The following TMEM163 variants were observed in gnomAD, a reference collection of about 807,000 sequenced individuals.
TMEM163 encodes the protein transmembrane protein 163.
TMEM163 carries 17 observed loss-of-function variants against 29.3 expected under a neutral mutation model. The ratio of observed to expected loss-of-function variants is 0.58; its 90% CI spans 0.40 to 0.87. TMEM163 has a LOEUF of 0.87. Among genes scored for constraint, TMEM163 ranks in the 40% least tolerant of loss-of-function variants. The pLI, the probability that TMEM163 is intolerant of heterozygous loss-of-function variation, is 0.00. For missense variants in TMEM163, 303 were observed against 381.5 expected (o/e 0.79, Z 1.71); for synonymous variants, 157 against 160.6 (o/e 0.98, Z 0.17).
rs368162173 is a variant in TMEM163, at chr2:134,650,508, TTTTG to T, written c.322+62688_322+62691del. ...TATTTGGATGCCTTCTATTTCTTTT[TTTTG>T]TTTGTTTGTTTGTTTGTTTGTTTTG... is the stretch of plus-strand genomic sequence containing the variant. On this transcript the variant is annotated intron_variant, in intron 2 of 7. Coordinates refer to ENST00000281924, the MANE Select transcript of TMEM163 (RefSeq NM_030923.5). Among the ~76,000 whole-genome samples the T allele has an allele frequency of 7.3e-3, 991 of 135,426 alleles. 23 individuals are homozygous for T. Among genetic ancestry groups the T allele is most frequent in the African/African-American group, 0.021 (704 of 32,952 alleles). The allele number at this position is 135,426 out of a possible 152,430, so 88.8% of individuals were successfully genotyped here. A position where few individuals can be genotyped will look rare whatever the true frequency, so the allele number is the denominator to read the frequency against.
chr2:134,505,696 G>C (rs1404363409), intron 4 of TMEM163, among the ~76,000 whole-genome samples: 1 of 152,138 alleles, frequency 6.6e-6, no homozygotes, highest in African/African-American at 2.4e-5. Context: ...TTTCTGACAG[G>C]GAACAGTGGT....
At chr2:134,508,445 G>A (rs2106489671) in intron 4 of TMEM163, among the ~76,000 whole-genome samples, 1 of 152,310 alleles carries the variant, frequency 6.6e-6, no homozygotes, top group Non-Finnish European at 1.5e-5. Flanking sequence ...CGGTACTTAT[G>A]ACTGCACAAT....
At chr2:134,479,213 A>T (rs1201734839) in intron 5 of TMEM163, among the ~76,000 whole-genome samples, 1 of 152,186 alleles carries the variant, frequency 6.6e-6, no homozygotes, top group Non-Finnish European at 1.5e-5. Flanking sequence ...ATGAACTAAG[A>T]CAGTCCTGCA....
At chr2:134,577,670 C>T (rs1681589747) in intron 2 of TMEM163, among the ~76,000 whole-genome samples, 1 of 152,126 alleles carries the variant, frequency 6.6e-6, no homozygotes, top group African/African-American at 2.4e-5. Flanking sequence ...ACTTCAGACA[C>T]ACCTATCTCA....
intron 5 of TMEM163, among the ~76,000 whole-genome samples, chr2:134,478,217 A>C (rs1413241572): frequency 6.6e-6 from 1 of 152,016 alleles, no homozygotes; most frequent in African/African-American, 2.4e-5. Flanking sequence ...GAGTCAGTTA[A>C]ACCTGTTTTC....
At chr2:134,511,808 T>A (rs1448956823) in intron 4 of TMEM163, among the ~76,000 whole-genome samples, 1 of 152,260 alleles carries the variant, frequency 6.6e-6, no homozygotes, top group African/African-American at 2.4e-5. Flanking sequence ...AAGTAAACCA[T>A]GCAAGTATTT....
At chr2:134,583,773 C>A (rs1234583269) in intron 2 of TMEM163, among the ~76,000 whole-genome samples, 2 of 152,154 alleles carry the variant, frequency 1.3e-5, no homozygotes, top group African/African-American at 4.8e-5. Context: ...CTGCCTGCCC[C>A]CTATGAGATG....
intron 2 of TMEM163, among the ~76,000 whole-genome samples, chr2:134,598,297 C>T (rs1159017860): frequency 6.6e-6 from 1 of 152,170 alleles, no homozygotes. Context: ...GCTTCCAAAC[C>T]TGCTTATGTC....
chr2:134,545,705 C>G (rs745518503), intron 4 of TMEM163, among the ~76,000 whole-genome samples: 4 of 152,180 alleles, frequency 2.6e-5, no homozygotes, highest in Non-Finnish European at 4.4e-5. Context: ...ACCCATGTCC[C>G]TGACCTTTTG....
intron 4 of TMEM163, among the ~76,000 whole-genome samples, chr2:134,544,574 A>C (rs1680740113): frequency 6.6e-6 from 1 of 152,100 alleles, no homozygotes; most frequent in Admixed American, 6.6e-5. Context: ...TGGGCAGATC[A>C]CCTGGGGTCA....
chr2:134,624,147 A>T (rs1227221238), intron 2 of TMEM163, among the ~76,000 whole-genome samples: 1 of 152,216 alleles, frequency 6.6e-6, no homozygotes, highest in Non-Finnish European at 1.5e-5. Flanking sequence ...CTGCTCTATA[A>T]TCTGGGCCAG....
At chr2:134,551,255 C>G (rs1431130575) in intron 3 of TMEM163, among the ~76,000 whole-genome samples, 1 of 151,206 alleles carries the variant, frequency 6.6e-6, no homozygotes, top group Non-Finnish European at 1.5e-5. Flanking sequence ...TGTGTGTGTA[C>G]GTGTGTATAT....
chr2:134,676,502 A>C (rs2104871391), intron 2 of TMEM163, among the ~76,000 whole-genome samples: 1 of 152,308 alleles, frequency 6.6e-6, no homozygotes, highest in South Asian at 2.1e-4. Context: ...TTATTGATAT[A>C]CAATTTATGA....
chr2:134,637,551 T>C (rs868231267), intron 2 of TMEM163, among the ~76,000 whole-genome samples: 50 of 152,370 alleles, frequency 3.3e-4, no homozygotes, highest in African/African-American at 1.2e-3. Context: ...ACTATAATCA[T>C]ACAATTTCAC....
At chr2:134,628,395 C>T (rs1047903164) in intron 2 of TMEM163, among the ~76,000 whole-genome samples, 1 of 152,234 alleles carries the variant, frequency 6.6e-6, no homozygotes, top group East Asian at 1.9e-4. Flanking sequence ...GAACTCTGAG[C>T]CTTTGCAATA....
chr2:134,716,849 A>T (rs1188805680), intron 1 of TMEM163, among the ~76,000 whole-genome samples: 1 of 152,234 alleles, frequency 6.6e-6, no homozygotes, highest in Non-Finnish European at 1.5e-5. Flanking sequence ...CATCAGGAAG[A>T]GGTCAAACAA....
chr2:134,485,986 T>C (rs7571254), intron 5 of TMEM163, among the ~76,000 whole-genome samples: 17,470 of 152,226 alleles, frequency 0.11, 1,242 homozygotes, highest in South Asian at 0.2. Flanking sequence ...AAAGCACTCG[T>C]TGGCCATCAG....
chr2:134,603,884 G>A (rs1487309597), intron 2 of TMEM163, among the ~76,000 whole-genome samples: 4 of 151,260 alleles, frequency 2.6e-5, no homozygotes, highest in Admixed American at 1.3e-4. Context: ...GGGAAGGGAG[G>A]GGAGGGTATG....
chr2:134,485,259 C>A (rs1363979225), intron 5 of TMEM163, among the ~76,000 whole-genome samples: 1 of 152,206 alleles, frequency 6.6e-6, no homozygotes, highest in African/African-American at 2.4e-5. Context: ...AACACAAAGC[C>A]TGTTTTATAA....
Sources: gnomAD v4.1 joint callset for allele counts (sites outside exome capture counted in the v4.1 genomes callset) on GRCh38, gnomAD v4.1.1 for gene constraint, MANE v1.5 for transcripts, NCBI Gene and HGNC (gene_info 2026-07-23, HGNC 2026-07-21) for gene names.